The following TOMM20L variants were observed in gnomAD, a reference collection of about 807,000 sequenced individuals.
The protein encoded by TOMM20L is TOMM20-like protein 1.
A neutral mutation model predicts 20.4 loss-of-function variants in TOMM20L; 19 were observed. The observed-to-expected ratio is 0.93, with a 90% CI of 0.65 to 1.36. The LOEUF (loss-of-function observed/expected upper bound fraction) is 1.36, where lower values mean the gene tolerates loss of function less well. Among genes scored for constraint, TOMM20L ranks in the 40% most tolerant of loss-of-function variants. The pLI is 0.00. For synonymous variants in TOMM20L, 75 were observed against 79.6 expected (o/e 0.94, Z 0.30); for missense variants, 218 against 203.7 (o/e 1.07, Z -0.43).
intron 3 of TOMM20L, among the ~76,000 whole-genome samples, chr14:58,404,351 G>A (rs1366541159): frequency 1.4e-5 from 2 of 148,134 alleles, no homozygotes; most frequent in African/African-American, 2.5e-5. Context: ...GGATGGTCTC[G>A]ATCTCCTGAC....
intron 4 of TOMM20L, 74 bp downstream of exon 4, chr14:58,407,542 A>T: frequency 6.8e-7 from 1 of 1,468,572 alleles, no homozygotes; most frequent in South Asian, 1.4e-5. Context: ...ACACAGAAAT[A>T]TCAAAGTATG....
intron 3 of TOMM20L, among the ~76,000 whole-genome samples, chr14:58,404,989 A>G (rs1166306653): frequency 7.0e-6 from 1 of 143,478 alleles, no homozygotes; most frequent in Non-Finnish European, 1.5e-5. Context: ...TTTTTTTGAG[A>G]TGGAGTTTCA....
At position 58,402,750 on chromosome 14, in the gene TOMM20L, G is replaced by A. The variant is rs1386368117; in HGVS notation, c.251G>A (p.Trp84Ter). The change falls in exon 3 of 5, where the codon TGG becomes TAG. Residue 84 changes from tryptophan to a stop codon, truncating the protein, a stop_gained. Transcript: ENST00000360945. LOFTEE classifies it high-confidence loss of function. Reference sequence around the variant, plus strand: ...CAAGAGGTACGGATGGGAGAACTTTGGTTATCTAGAGGTAAGAATGTAAAT... The same window carrying A: ...CAAGAGGTACGGATGGGAGAACTTTAGTTATCTAGAGGTAAGAATGTAAAT... ...FLQEVRMGELWLSRGEHRMGI... is the reference protein window; with the variant it reads ...FLQEVRMGEL The A allele has an allele frequency of 6.2e-7, 1 of 1,612,154 alleles. No individual in the cohort carries two copies. The highest frequency in any genetic ancestry group is 8.5e-7 in the Non-Finnish European group (1 of 1,178,592).
intron 2 of TOMM20L, among the ~76,000 whole-genome samples, chr14:58,401,803 C>G (rs1479136079): frequency 6.6e-6 from 1 of 152,104 alleles, no homozygotes; most frequent in Non-Finnish European, 1.5e-5. Flanking sequence ...ATGAACCAAC[C>G]GCAGTAAACC....
chr14:58,405,113 C>T (rs2036041731), intron 3 of TOMM20L, among the ~76,000 whole-genome samples: 1 of 151,974 alleles, frequency 6.6e-6, no homozygotes, highest in African/African-American at 2.4e-5. Flanking sequence ...GGATTACAGG[C>T]GTGCACCACC....
At chr14:58,413,952 A>G in the TOMM20L span, among the ~76,000 whole-genome samples, 1 of 130,066 alleles carries the variant, frequency 7.7e-6, no homozygotes, top group Non-Finnish European at 1.6e-5. Context: ...GCTTGCAGTG[A>G]GCCGAGATTG....
the TOMM20L span, among the ~76,000 whole-genome samples, chr14:58,417,038 G>T: frequency 0.86 from 130,114 of 152,040 alleles, 56,815 homozygotes; most frequent in East Asian, 0.99. Flanking sequence ...CTGTTCTCAT[G>T]ATAGTGAATA....
At chr14:58,396,392 T>A in intron 2 of TOMM20L, 51 bp downstream of exon 2, 1 of 1,605,242 alleles carries the variant, frequency 6.2e-7, no homozygotes, top group Non-Finnish European at 8.5e-7. Flanking sequence ...AGGTCCGGGC[T>A]CGCTGGGTTG....
chr14:58,404,331 G>A (rs1314487751), intron 3 of TOMM20L, among the ~76,000 whole-genome samples: 1 of 146,152 alleles, frequency 6.8e-6, no homozygotes, highest in Admixed American at 6.9e-5. Flanking sequence ...GGGTTTCACC[G>A]TTTTAGCCGG....
rs774826712 is a variant in TOMM20L at position 58,395,939 on chromosome 14, G to C, written c.-19G>C. On this transcript the variant is annotated 5_prime_UTR_variant, in exon 1 of 5. Coordinates refer to ENST00000360945, the MANE Select transcript of TOMM20L (RefSeq NM_207377.3). ...CCGGCCCGCGCCCAACGCTCGGCTTGTGGGACGCCCGCGGTCGGATGCCCT... is the reference window on the plus strand; with the variant it reads ...CCGGCCCGCGCCCAACGCTCGGCTTCTGGGACGCCCGCGGTCGGATGCCCT... 1.5e-6 allele frequency: 2 copies of C among 1,362,064 alleles called. No homozygotes were observed. The highest frequency in any genetic ancestry group is 4.0e-5 in the South Asian group (2 of 50,560). The allele number at this position is 1,362,064 out of a possible 1,614,324, so 84.4% of individuals were successfully genotyped here.
chr14:58,401,758 A>G (rs753311712), intron 2 of TOMM20L, among the ~76,000 whole-genome samples: 1 of 152,176 alleles, frequency 6.6e-6, no homozygotes, highest in Non-Finnish European at 1.5e-5. Context: ...GTGTAGTACC[A>G]ATGATGATGC....
intron 3 of TOMM20L, among the ~76,000 whole-genome samples, chr14:58,404,055 A>G (rs1254649750): frequency 1.6e-5 from 2 of 128,726 alleles, no homozygotes; most frequent in African/African-American, 5.5e-5. Flanking sequence ...TGCTGGATAA[A>G]TCAGCATTAC....
At chr14:58,397,322 T>A (rs2035940208) in intron 2 of TOMM20L, among the ~76,000 whole-genome samples, 1 of 152,164 alleles carries the variant, frequency 6.6e-6, no homozygotes, top group Admixed American at 6.5e-5. Context: ...CGCACATGCA[T>A]GTGAACTAGA....
At chr14:58,408,753 A>C, downstream of TOMM20L, 1 of 729,048 alleles carries the variant, frequency 1.4e-6, no homozygotes. Context: ...AATTGAAGAA[A>C]CAATGGTTTA....
chr14:58,408,976 T>G (rs968726996), downstream of TOMM20L: 3 of 1,583,928 alleles, frequency 1.9e-6, no homozygotes, highest in African/African-American at 4.1e-5. Context: ...TGAGTCCTCA[T>G]TTCCAATAAA....
downstream of TOMM20L, among the ~76,000 whole-genome samples, chr14:58,413,576 C>G (rs937868874): frequency 6.6e-6 from 1 of 152,150 alleles, no homozygotes; most frequent in East Asian, 1.9e-4. Flanking sequence ...AAAAGCCTTT[C>G]TGAATTCCTG....
chr14:58,404,116 TA>T (rs2036026500), intron 3 of TOMM20L, among the ~76,000 whole-genome samples: 1 of 19,496 alleles, frequency 5.1e-5, no homozygotes, highest in African/African-American at 1.1e-4. Flanking sequence ...TATATATATA[TA>T]TATTTTTTTT....
chr14:58,415,448 C>T, the TOMM20L span, among the ~76,000 whole-genome samples: 7 of 152,110 alleles, frequency 4.6e-5, no homozygotes, highest in Non-Finnish European at 8.8e-5. Context: ...CTTGTAAATA[C>T]TTCAGTGAGC....
chr14:58,398,678 T>C (rs1187149772), intron 2 of TOMM20L: 1 of 151,260 alleles, frequency 6.6e-6, no homozygotes, highest in Non-Finnish European at 1.5e-5. Context: ...TAATATAAAT[T>C]AATCATATTT....
Sources: allele counts gnomAD v4.1 joint callset (sites outside exome capture counted in the v4.1 genomes callset), GRCh38; gene constraint gnomAD v4.1.1; transcripts MANE v1.5; gene names NCBI Gene and HGNC (gene_info 2026-07-23, HGNC 2026-07-21).